Variants in TOX observed in about 807,000 individuals in gnomAD.
TOX encodes the protein thymocyte selection-associated high mobility group box protein TOX.
In TOX, 11 loss-of-function variants were observed where a neutral mutation model predicts 53.7. The ratio of observed to expected loss-of-function variants is 0.20; its 90% CI spans 0.13 to 0.34. The LOEUF (loss-of-function observed/expected upper bound fraction) is 0.34. TOX is among the 10% of genes least tolerant of loss of function. The pLI is 1.00. For synonymous variants in TOX, 225 were observed against 245.3 expected (o/e 0.92, Z 0.77); for missense variants, 570 against 664.6 (o/e 0.86, Z 1.56).
intron 1 of TOX, among the ~76,000 whole-genome samples, chr8:59,037,751 G>A (rs535647889): frequency 7.0e-6 from 1 of 143,382 alleles, no homozygotes; most frequent in East Asian, 2.1e-4. Context: ...GCAGTGAGCC[G>A]AGACCATGCC....
At chr8:59,077,260 G>A (rs568358380) in intron 1 of TOX, among the ~76,000 whole-genome samples, 2 of 152,280 alleles carry the variant, frequency 1.3e-5, no homozygotes, top group Admixed American at 1.3e-4. Context: ...TCTTTATTCT[G>A]CCAATGAACA....
At chr8:58,964,635 C>T (rs796994004) in intron 1 of TOX, among the ~76,000 whole-genome samples, 11 of 152,128 alleles carry the variant, frequency 7.2e-5, no homozygotes, top group African/African-American at 2.4e-4. Flanking sequence ...GGCCTGAAAC[C>T]ATCATATCAG....
At chr8:58,828,331 T>C (rs826730) in intron 5 of TOX, among the ~76,000 whole-genome samples, 2 of 152,074 alleles carry the variant, frequency 1.3e-5, no homozygotes, top group African/African-American at 2.4e-5. Context: ...TCTCCTAAAG[T>C]GGGGGGCTTC....
At position 59,104,765 on chromosome 8, in the gene TOX, CT is replaced by C. The variant is rs773067865; in HGVS notation, c.102+14120del. On this transcript the variant is annotated intron_variant, in intron 1 of 8. Coordinates refer to ENST00000361421, the MANE Select transcript of TOX (RefSeq NM_014729.3). The stretch of plus-strand genomic sequence containing the variant: ...AAATAATTCAAAAAATTAGGAGTAA[CT>C]TTCCCCTTCTTCACTGCTGGATTTT... Among the ~76,000 whole-genome samples the C allele has an allele frequency of 6.6e-5, 10 of 152,258 alleles. No individual in the cohort carries two copies. The South Asian group carries it at 2.1e-3, about 32-fold the overall frequency.
chr8:58,967,911 T>G (rs563851162), intron 1 of TOX, among the ~76,000 whole-genome samples: 1 of 152,330 alleles, frequency 6.6e-6, no homozygotes, highest in African/African-American at 2.4e-5. Context: ...AGTTAGTAAG[T>G]GACAACACTC....
chr8:58,998,516 T>TAC (rs1563413359), intron 1 of TOX, among the ~76,000 whole-genome samples: 1 of 121,356 alleles, frequency 8.2e-6, no homozygotes, highest in African/African-American at 3.4e-5. Flanking sequence ...TATATATATA[T>TAC]ATATATATAT....
intron 1 of TOX, among the ~76,000 whole-genome samples, chr8:58,994,428 G>GTGCGCA (rs1813520588): frequency 1.4e-5 from 2 of 146,546 alleles, no homozygotes; most frequent in African/African-American, 5.1e-5. Context: ...GTGCGCGCGC[G>GTGCGCA]CATGTGTGTG....
chr8:58,860,455 C>T (rs1226463793), intron 3 of TOX, among the ~76,000 whole-genome samples: 1 of 152,142 alleles, frequency 6.6e-6, no homozygotes, highest in Admixed American at 6.5e-5. Flanking sequence ...AGTGTACTGA[C>T]CTTAAATGCT....
At chr8:58,926,746 G>C (rs1313180911) in intron 3 of TOX, among the ~76,000 whole-genome samples, 1 of 152,192 alleles carries the variant, frequency 6.6e-6, no homozygotes, top group Non-Finnish European at 1.5e-5. Context: ...GGCCAATAAT[G>C]GGAATGTGGT....
At chr8:59,049,229 T>A (rs1045052220) in intron 1 of TOX, among the ~76,000 whole-genome samples, 1 of 152,166 alleles carries the variant, frequency 6.6e-6, no homozygotes, top group Non-Finnish European at 1.5e-5. Flanking sequence ...ATCAGTTAAT[T>A]AATCATTCAA....
At chr8:58,915,170 C>A (rs572309370) in intron 3 of TOX, among the ~76,000 whole-genome samples, 2,887 of 151,730 alleles carry the variant, frequency 0.019, 111 homozygotes, top group African/African-American at 0.066. Flanking sequence ...AACAAAGCAG[C>A]GGGGAAGCTC....
At chr8:59,107,213 T>A (rs1483352692) in intron 1 of TOX, among the ~76,000 whole-genome samples, 1 of 152,128 alleles carries the variant, frequency 6.6e-6, no homozygotes, top group Non-Finnish European at 1.5e-5. Context: ...ATGTAGCATG[T>A]TAGAAATATT....
intron 1 of TOX, among the ~76,000 whole-genome samples, chr8:59,111,625 T>G (rs1805018441): frequency 6.6e-6 from 1 of 152,074 alleles, no homozygotes; most frequent in Non-Finnish European, 1.5e-5. Flanking sequence ...CACCAATGTT[T>G]CTAGCTCGGT....
At chr8:58,832,316 T>C (rs1810474825) in intron 5 of TOX, among the ~76,000 whole-genome samples, 1 of 151,798 alleles carries the variant, frequency 6.6e-6, no homozygotes, top group Non-Finnish European at 1.5e-5. Flanking sequence ...GGACTTTGCT[T>C]ACATTCTACA....
intron 1 of TOX, among the ~76,000 whole-genome samples, chr8:59,005,606 A>G (rs1172623751): frequency 6.6e-6 from 1 of 152,234 alleles, no homozygotes; most frequent in Admixed American, 6.5e-5. Flanking sequence ...ATAGTTTTCT[A>G]GCAAAATTCA....
In TOX at chr8:58,815,492, A is replaced by G; in HGVS notation, c.1238T>C (p.Met413Thr). 6.2e-7 allele frequency: 1 copy of G among 1,613,962 alleles called. No homozygotes were observed. The highest frequency in any genetic ancestry group is 8.5e-7 in the Non-Finnish European group (1 of 1,179,966). Residue 413 changes from methionine (M) to threonine (T), a missense_variant, in exon 7 of 9, where the codon ATG becomes ACG. Met to Thr is a moderately conservative substitution (Grantham distance 81). This residue lies in a region of TOX where 239 missense variants were observed against 250.7 expected (regional missense o/e 0.95). Transcript: ENST00000361421. ...GAGGGGAGGAGGAGGGGACACAGCC[A>G]TGTTTGCTATAGAGACAGTCACTGG... The part of the protein sequence containing the change: ...QMPVTVSIAN[M>T]AVSPPPPLQI...
intron 3 of TOX, among the ~76,000 whole-genome samples, chr8:58,927,273 T>C (rs903867991): frequency 4.6e-5 from 7 of 152,344 alleles, no homozygotes; most frequent in Middle Eastern, 3.4e-3. Flanking sequence ...GGCTTTACAC[T>C]GTCAGCTTGA....
intron 6 of TOX, among the ~76,000 whole-genome samples, chr8:58,818,270 T>C (rs1438821395): frequency 2.0e-5 from 3 of 152,204 alleles, no homozygotes; most frequent in Admixed American, 6.5e-5. Flanking sequence ...AGAATAACTA[T>C]TGGCAAACTC....
chr8:58,857,981 G>C (rs1402687152), intron 3 of TOX, among the ~76,000 whole-genome samples: 1 of 152,116 alleles, frequency 6.6e-6, no homozygotes, highest in Non-Finnish European at 1.5e-5. Context: ...TGTTGGTCAG[G>C]CTGGTCTTGA....
Sources: allele counts gnomAD v4.1 joint callset (sites outside exome capture counted in the v4.1 genomes callset), GRCh38; gene constraint gnomAD v4.1.1; regional missense constraint gnomAD v4.1.1; transcripts MANE v1.5; gene names NCBI Gene and HGNC (gene_info 2026-07-23, HGNC 2026-07-21).